KCNH1: variants seen among roughly 807,000 people sequenced by gnomAD.
KCNH1 encodes voltage-gated delayed rectifier potassium channel KCNH1.
A neutral mutation model predicts 69.2 loss-of-function variants in KCNH1; 27 were observed. The observed-to-expected ratio is 0.39, with a 90% CI of 0.29 to 0.54. The LOEUF (loss-of-function observed/expected upper bound fraction) is 0.54, where lower values mean the gene tolerates loss of function less well. Ranked by LOEUF, KCNH1 falls within the 20% of genes least tolerant of loss-of-function variation. The probability of loss-of-function intolerance (pLI) is 0.68; values close to 1 mark genes in which losing one functional copy is unlikely to be tolerated. For missense variants in KCNH1, 798 were observed against 1,261.6 expected, an observed-to-expected ratio of 0.63 and a Z score of 5.57; for synonymous variants, 456 against 487.7, an observed-to-expected ratio of 0.93 and a Z score of 0.86.
chr1:210,710,172 A>G (rs1682032071), intron 10 of KCNH1, among the ~76,000 whole-genome samples: 1 of 152,212 alleles, frequency 6.6e-6, no homozygotes, highest in Non-Finnish European at 1.5e-5. Flanking sequence ...GTGTTTGTCT[A>G]TCTAAACATA....
intron 6 of KCNH1, among the ~76,000 whole-genome samples, chr1:210,966,964 C>T (rs923154106): frequency 2.6e-5 from 4 of 152,122 alleles, no homozygotes; most frequent in Non-Finnish European, 2.9e-5. Flanking sequence ...TTGGAACCAA[C>T]GAAATGCCCA....
At chr1:211,055,638 C>T (rs1348123949) in intron 5 of KCNH1, among the ~76,000 whole-genome samples, 1 of 152,172 alleles carries the variant, frequency 6.6e-6, no homozygotes, top group Non-Finnish European at 1.5e-5. Flanking sequence ...GCGCAGCTCA[C>T]AGCTCCAGGA....
chr1:210,909,780 C>T (rs1035603563), intron 7 of KCNH1, among the ~76,000 whole-genome samples: 3 of 152,212 alleles, frequency 2.0e-5, no homozygotes, highest in African/African-American at 7.2e-5. Context: ...AGTCTCCTTT[C>T]TGAGTAGTAT....
chr1:210,779,350 C>T (rs1683928292), intron 9 of KCNH1, among the ~76,000 whole-genome samples: 2 of 152,152 alleles, frequency 1.3e-5, no homozygotes, highest in Non-Finnish European at 2.9e-5. Flanking sequence ...CCAAAACAAA[C>T]TCAGGACTAT....
chr1:211,081,929 C>T (rs1182072695), intron 5 of KCNH1, among the ~76,000 whole-genome samples: 1 of 152,090 alleles, frequency 6.6e-6, no homozygotes, highest in Admixed American at 6.5e-5. Context: ...AATAAGCCTG[C>T]ACTTTGTGCA....
At chr1:210,795,529 C>A (rs1037428827) in intron 9 of KCNH1, among the ~76,000 whole-genome samples, 8 of 152,106 alleles carry the variant, frequency 5.3e-5, no homozygotes, top group African/African-American at 1.9e-4. Context: ...TTGGGTTAAC[C>A]TAAGCCAAAT....
At chr1:210,755,438 G>T (rs1683378363) in intron 10 of KCNH1, among the ~76,000 whole-genome samples, 1 of 152,176 alleles carries the variant, frequency 6.6e-6, no homozygotes, top group Non-Finnish European at 1.5e-5. Context: ...GAAAAATCTG[G>T]CAGCTCTCCA....
intron 6 of KCNH1, among the ~76,000 whole-genome samples, chr1:210,931,570 T>C (rs893841758): frequency 5.3e-5 from 8 of 152,122 alleles, no homozygotes; most frequent in African/African-American, 1.7e-4. Flanking sequence ...CAGTGTCCAC[T>C]GCTCTGGTGA....
In KCNH1 at chr1:211,050,659, A is replaced by G. The variant is rs541268852; in HGVS notation, c.559-31403T>C. 3.9e-5 allele frequency among the ~76,000 whole-genome samples: 6 copies of G among 152,284 alleles called. No individual in the cohort carries two copies. In the East Asian group the frequency reaches 1.2e-3, roughly 29 times the overall value. On this transcript the variant is annotated intron_variant, in intron 5 of 10. Transcript: ENST00000271751. ...TATTCTTTTAACTTTTAATCTTGAAATCTTCAGTTGTATTTTTTTATTTCA... is the reference window on the plus strand; with the variant it reads ...TATTCTTTTAACTTTTAATCTTGAAGTCTTCAGTTGTATTTTTTTATTTCA...
chr1:210,811,911 C>CTCAAACT (rs750961578), intron 7 of KCNH1, among the ~76,000 whole-genome samples: 28 of 152,166 alleles, frequency 1.8e-4, no homozygotes, highest in Non-Finnish European at 3.7e-4. Context: ...ATCATCCATT[C>CTCAAACT]TCAAACTTCA....
At chr1:210,836,130 AAAAT>A (rs1685276493) in intron 7 of KCNH1, among the ~76,000 whole-genome samples, 1 of 151,446 alleles carries the variant, frequency 6.6e-6, no homozygotes, top group Non-Finnish European at 1.5e-5. Flanking sequence ...AAAAAAAAAA[AAAAT>A]TTCTATATTG....
intron 7 of KCNH1, among the ~76,000 whole-genome samples, chr1:210,867,845 A>C (rs1024911576): frequency 1.3e-5 from 2 of 152,018 alleles, no homozygotes; most frequent in African/African-American, 4.8e-5. Flanking sequence ...TGTCATGCAT[A>C]TCTCTAATAC....
intron 6 of KCNH1, among the ~76,000 whole-genome samples, chr1:210,938,553 G>A (rs927371410): frequency 5.9e-5 from 9 of 152,058 alleles, no homozygotes; most frequent in East Asian, 3.9e-4. Context: ...GAGACTCTTC[G>A]TAATTTGATC....
intron 6 of KCNH1, among the ~76,000 whole-genome samples, chr1:210,989,303 CA>C (rs1456259637): frequency 6.6e-6 from 1 of 152,092 alleles, no homozygotes; most frequent in African/African-American, 2.4e-5. Flanking sequence ...AAAACAAAGG[CA>C]AAAGACACAA....
intron 6 of KCNH1, among the ~76,000 whole-genome samples, chr1:210,951,365 A>G (rs1688058738): frequency 6.6e-6 from 1 of 152,210 alleles, no homozygotes. Flanking sequence ...TGAGATGGAA[A>G]TACTTATGCT....
chr1:210,742,376 T>C (rs776555798), intron 10 of KCNH1, among the ~76,000 whole-genome samples: 2 of 152,214 alleles, frequency 1.3e-5, no homozygotes, highest in Non-Finnish European at 2.9e-5. Flanking sequence ...CCATGGTTTT[T>C]ATCTTTAAGT....
At chr1:211,113,168 C>G (rs1244003552) in intron 1 of KCNH1, among the ~76,000 whole-genome samples, 5 of 152,090 alleles carry the variant, frequency 3.3e-5, no homozygotes, top group African/African-American at 1.2e-4. Context: ...CATCATTTTA[C>G]TCATGAGGAA....
intron 3 of KCNH1, among the ~76,000 whole-genome samples, chr1:211,097,108 A>T (rs4373806): frequency 0.42 from 64,484 of 152,016 alleles, 14,011 homozygotes; most frequent in Admixed American, 0.47. Flanking sequence ...ACAGAAACAA[A>T]CCCACATATG....
At chr1:211,027,115 C>A (rs1167710765) in intron 5 of KCNH1, among the ~76,000 whole-genome samples, 1 of 152,036 alleles carries the variant, frequency 6.6e-6, no homozygotes, top group Non-Finnish European at 1.5e-5. Context: ...TCAATAGATG[C>A]CAACACCAAA....
Sources: gnomAD v4.1 joint callset for allele counts (sites outside exome capture counted in the v4.1 genomes callset) on GRCh38, gnomAD v4.1.1 for gene constraint, MANE v1.5 for transcripts, NCBI Gene and HGNC (gene_info 2026-07-23, HGNC 2026-07-21) for gene names.